KLHL23: variants seen among roughly 807,000 people sequenced by gnomAD.
KLHL23 encodes the protein kelch like family member 23.
In KLHL23, 33 loss-of-function variants were observed where a neutral mutation model predicts 48.9. The observed-to-expected ratio is 0.67, with a 90% confidence interval of 0.51 to 0.90. The LOEUF (loss-of-function observed/expected upper bound fraction) is 0.90. KLHL23 is among the 40% of genes least tolerant of loss of function. The pLI, the probability that KLHL23 is intolerant of heterozygous loss-of-function variation, is 0.00. For missense variants in KLHL23, 608 were observed against 669.6 expected (o/e 0.91, Z 1.02); for synonymous variants, 234 against 231.6 (o/e 1.01, Z -0.09).
rs1222133021 is a variant in KLHL23 at position 169,749,745 on chromosome 2, A to G, written c.*13A>G. On this transcript the variant is annotated 3_prime_UTR_variant, in exon 4 of 4. Transcript: ENST00000392647. ...GTATAATGTCTAATTGAATCTGCAG[A>G]AATGACCAAGCAATCACTTTTTTGG... is the stretch of plus-strand genomic sequence containing the variant. 1 of 1,576,014 alleles carries G rather than the reference A, an allele frequency of 6.3e-7. No individual in the cohort carries two copies. The highest frequency in any genetic ancestry group is 8.7e-7 in the Non-Finnish European group (1 of 1,155,958).
At chr2:169,747,627 T>C (rs1332012072) in intron 3 of KLHL23, among the ~76,000 whole-genome samples, 2 of 152,104 alleles carry the variant, frequency 1.3e-5, no homozygotes, top group Non-Finnish European at 1.5e-5. Context: ...GATTGTATTA[T>C]TCTTTCTAAA....
Position 169,749,840 on chromosome 2 carries a change from T to C in KLHL23, c.*108T>C, listed in dbSNP as rs1688898839. ...CCTGATAATTGTGTCTGGCACATGA[T>C]AGGGGATCAGTAAATTGTAATTCCT... On this transcript the variant is annotated 3_prime_UTR_variant, in exon 4 of 4. Transcript: ENST00000392647. 2.2e-6 allele frequency: 3 copies of C among 1,349,070 alleles called. No homozygotes were observed. The allele number at this position is 1,349,070 out of a possible 1,614,324, so 83.6% of individuals were successfully genotyped here.
intron 2 of KLHL23, 56 bp downstream of exon 2, chr2:169,736,283 A>C: frequency 6.6e-7 from 1 of 1,526,154 alleles, no homozygotes; most frequent in Non-Finnish European, 8.7e-7. Context: ...CTAGGCCAGC[A>C]GTCTCACTTC....
At position 169,749,966 on chromosome 2, in the gene KLHL23, CAT is replaced by C. The variant is rs59378347; in HGVS notation, c.*241_*242del. The C allele has an allele frequency of 0.13, 7,349 of 55,092 alleles. 1,796 individuals are homozygous for C. Among genetic ancestry groups the C allele is most frequent in the African/African-American group, 0.43 (3,410 of 7,862 alleles). The allele number at this position is 55,092 out of a possible 1,614,324, so 3.4% of individuals were successfully genotyped here. A position where few individuals can be genotyped will look rare whatever the true frequency, so the allele number is the denominator to read the frequency against. On this transcript the variant is annotated 3_prime_UTR_variant, in exon 4 of 4. Coordinates refer to ENST00000392647, the MANE Select transcript of KLHL23 (RefSeq NM_144711.6). ...ATATATGTGTTCATATATATGTATA[CAT>C]ATATATGTGTATATATACGTATGTA...
chr2:169,734,905 T>A, intron 1 of KLHL23, 108 bp from the exon 2 acceptor site: 1 of 1,389,798 alleles, frequency 7.2e-7, no homozygotes. Context: ...GATGCTGAAC[T>A]TAGTCCAGTT....
In KLHL23 at chr2:169,750,122, ATATACACATATATACGTATATATGTG is replaced by A. The variant is rs1688936733; in HGVS notation, c.*395_*420del. 6.9e-6 allele frequency: 1 copy of A among 143,938 alleles called. No individual in the cohort carries two copies. The highest frequency in any genetic ancestry group is 2.7e-5 in the African/African-American group (1 of 36,898). 8.9% of individuals were successfully genotyped at this position (143,938 alleles called of 1,614,324 possible). ...TGTATACATATATATGTGTGTATATATATACACATATATACGTATATATGTGTATATATATACACAGTTGAATCAGT... is the reference window on the plus strand; with the variant it reads ...TGTATACATATATATGTGTGTATATATATATATATACACAGTTGAATCAGT... On this transcript the variant is annotated 3_prime_UTR_variant, in exon 4 of 4. Transcript: ENST00000392647.
Position 169,750,878 on chromosome 2 carries a change from C to T in KLHL23, c.*1146C>T, listed in dbSNP as rs1024067771. On this transcript the variant is annotated 3_prime_UTR_variant, in exon 4 of 4. Transcript: ENST00000392647. ...TTTATTCTTAAATATAGATACATGT[C>T]TGCATATATGATTGAATTTTAGAGC... The T allele has an allele frequency of 2.6e-5, 4 of 152,168 alleles. No homozygotes were observed. Among genetic ancestry groups the T allele is most frequent in the Admixed American group, 2.6e-4 (4 of 15,270 alleles). 9.4% of individuals were successfully genotyped at this position (152,168 alleles called of 1,614,324 possible).
At chr2:169,745,824 G>A (rs187483851) in intron 3 of KLHL23, among the ~76,000 whole-genome samples, 1 of 152,312 alleles carries the variant, frequency 6.6e-6, no homozygotes, top group East Asian at 1.9e-4. Flanking sequence ...GAAGGGAGAA[G>A]AGGGGAGATG....
chr2:169,747,145 T>G (rs1688809223), intron 3 of KLHL23, among the ~76,000 whole-genome samples: 1 of 152,030 alleles, frequency 6.6e-6, no homozygotes, highest in African/African-American at 2.4e-5. Flanking sequence ...GTGCATTATT[T>G]GAGTCCAGGA....
At chr2:169,742,866 G>A (rs1052464281) in intron 3 of KLHL23, among the ~76,000 whole-genome samples, 2 of 152,238 alleles carry the variant, frequency 1.3e-5, no homozygotes, top group African/African-American at 4.8e-5. Context: ...GAAATAGCTA[G>A]CATTTATTCA....
At chr2:169,748,279 A>G (rs1049483056) in intron 3 of KLHL23, among the ~76,000 whole-genome samples, 1 of 152,220 alleles carries the variant, frequency 6.6e-6, no homozygotes, top group Non-Finnish European at 1.5e-5. Flanking sequence ...GACCGGAATG[A>G]CAGGAAGGAC....
intron 1 of KLHL23, among the ~76,000 whole-genome samples, chr2:169,734,406 G>A (rs961161541): frequency 4.7e-5 from 7 of 149,900 alleles, no homozygotes; most frequent in African/African-American, 1.7e-4. Flanking sequence ...GGGCGGGAAC[G>A]TGGGCCGGGG....
intron 3 of KLHL23, among the ~76,000 whole-genome samples, chr2:169,742,938 C>G (rs925190965): frequency 2.6e-5 from 4 of 152,170 alleles, no homozygotes; most frequent in African/African-American, 9.7e-5. Context: ...GTTTAAACCT[C>G]AAAATAATTC....
chr2:169,734,643 G>A (rs932137034), intron 1 of KLHL23, among the ~76,000 whole-genome samples: 2 of 152,224 alleles, frequency 1.3e-5, no homozygotes, highest in African/African-American at 4.8e-5. Flanking sequence ...GTTGAATTGG[G>A]GCCGAGCCGA....
rs1024784206 is a variant in KLHL23, at chr2:169,749,417, A to G, written c.1367-5A>G. On this transcript the variant is annotated splice_polypyrimidine_tract_variant and splice_region_variant and intron_variant, in intron 3 of 3. Transcript: ENST00000392647. Reference sequence around the variant, plus strand: ...AATGCTGTTTTCTTTTTTTCTTTTTAAAAGAATATGGATTGTGCTCAGTTC... The same window carrying G: ...AATGCTGTTTTCTTTTTTTCTTTTTGAAAGAATATGGATTGTGCTCAGTTC... 5.8e-6 allele frequency: 9 copies of G among 1,563,196 alleles called. No homozygotes were observed. In the Admixed American group the frequency reaches 6.1e-5, roughly 11 times the overall value.
In KLHL23 at chr2:169,750,108, A is replaced by ACGTGTG. The variant is rs1558952718; in HGVS notation, c.*376_*377insCGTGTG. ...TGTATACATATATGTGTATACATAT[A>ACGTGTG]TATGTGTGTATATATATACACATAT... On this transcript the variant is annotated 3_prime_UTR_variant, in exon 4 of 4. Coordinates refer to ENST00000392647, the MANE Select transcript of KLHL23 (RefSeq NM_144711.6). 3 of 15,228 alleles carry ACGTGTG rather than the reference A, an allele frequency of 2.0e-4. No individual in the cohort carries two copies. The highest frequency in any genetic ancestry group is 2.6e-4 in the Non-Finnish European group (2 of 7,556). 0.9% of individuals were successfully genotyped at this position (15,228 alleles called of 1,614,324 possible). A position where few individuals can be genotyped will look rare whatever the true frequency, so the allele number is the denominator to read the frequency against.
At chr2:169,738,252 A>AT (rs1228207924) in intron 2 of KLHL23, among the ~76,000 whole-genome samples, 1 of 151,366 alleles carries the variant, frequency 6.6e-6, no homozygotes, top group East Asian at 1.9e-4. Flanking sequence ...TTTTTAAACA[A>AT]TTTTTAAAAT....
chr2:169,744,122 C>T (rs1275349947), intron 3 of KLHL23, among the ~76,000 whole-genome samples: 1 of 152,128 alleles, frequency 6.6e-6, no homozygotes, highest in Non-Finnish European at 1.5e-5. Flanking sequence ...AGGTAGGATT[C>T]TGATAATTAT....
At chr2:169,741,755 A>AT (rs1468449633) in intron 3 of KLHL23, among the ~76,000 whole-genome samples, 3 of 152,184 alleles carry the variant, frequency 2.0e-5, no homozygotes, top group African/African-American at 7.2e-5. Context: ...TGATGTCTTT[A>AT]TACAATGCAC....
Sources: gnomAD v4.1 joint callset for allele counts (sites outside exome capture counted in the v4.1 genomes callset) on GRCh38, gnomAD v4.1.1 for gene constraint, MANE v1.5 for transcripts, NCBI Gene and HGNC (gene_info 2026-07-23, HGNC 2026-07-21) for gene names.